Variants in AUH observed in about 807,000 individuals in gnomAD.
The protein encoded by AUH is AU RNA binding methylglutaconyl-CoA hydratase.
AUH carries 29 observed loss-of-function variants against 42.3 expected under a neutral mutation model. The observed-to-expected ratio is 0.69, with a 90% CI of 0.51 to 0.93. The LOEUF (loss-of-function observed/expected upper bound fraction) is 0.93. Among genes scored for constraint, AUH ranks in the 40% least tolerant of loss-of-function variants. The probability of loss-of-function intolerance (pLI) is 0.00; values close to 1 mark genes in which losing one functional copy is unlikely to be tolerated. For missense variants in AUH, 452 were observed against 438.1 expected (o/e 1.03, Z -0.28); for synonymous variants, 174 against 166.4 (o/e 1.05, Z -0.35).
intron 6 of AUH, among the ~76,000 whole-genome samples, chr9:91,279,369 A>C (rs1469189479): frequency 6.6e-6 from 1 of 152,194 alleles, no homozygotes; most frequent in Non-Finnish European, 1.5e-5. Flanking sequence ...TCAGTGATAG[A>C]GATGGGATTT....
intron 4 of AUH, among the ~76,000 whole-genome samples, chr9:91,324,019 T>C (rs1442410772): frequency 2.6e-5 from 4 of 152,034 alleles, no homozygotes; most frequent in Non-Finnish European, 5.9e-5. Context: ...AAAAGAATAA[T>C]AAAGAGAACC....
chr9:91,218,707 C>T (rs1009914074), intron 7 of AUH: 2 of 984,480 alleles, frequency 2.0e-6, no homozygotes, highest in African/African-American at 3.5e-5. Context: ...GCCTTTTCTT[C>T]TTTACAAGCC....
At chr9:91,315,596 G>A (rs1829095923) in intron 4 of AUH, among the ~76,000 whole-genome samples, 1 of 151,856 alleles carries the variant, frequency 6.6e-6, no homozygotes, top group African/African-American at 2.4e-5. Context: ...TTCTTCAGTT[G>A]ACAGTAAGAA....
In AUH at chr9:91,220,769, AAATGAGAAAAAATAAACTCATTT is replaced by A. The variant is rs1827084602; in HGVS notation, c.843+13_843+35del. On this transcript the variant is annotated intron_variant, in intron 7 of 9. Transcript: ENST00000375731. ...AGTCAAAGTGTTATAATGTTTCCTA[AAATGAGAAAAAATAAACTCATTT>A]AATGAGAAATACCTGAGGTAAAAAC... 1 of 1,610,196 alleles carries A rather than the reference AAATGAGAAAAAATAAACTCATTT, an allele frequency of 6.2e-7. No homozygotes were observed. The highest frequency in any genetic ancestry group is 1.3e-5 in the African/African-American group (1 of 74,898).
intron 3 of AUH, among the ~76,000 whole-genome samples, chr9:91,338,671 TC>T (rs2131959925): frequency 6.6e-6 from 1 of 152,370 alleles, no homozygotes; most frequent in East Asian, 1.9e-4. Context: ...CCTCAGGTGA[TC>T]CACCCACCTG....
intron 3 of AUH, among the ~76,000 whole-genome samples, chr9:91,333,124 C>T (rs1300312900): frequency 6.6e-6 from 1 of 152,180 alleles, no homozygotes; most frequent in African/African-American, 2.4e-5. Flanking sequence ...AAGAGATGTC[C>T]GACCTCCCAT....
intron 6 of AUH, among the ~76,000 whole-genome samples, chr9:91,289,089 T>C (rs1826652482): frequency 6.6e-6 from 1 of 152,200 alleles, no homozygotes; most frequent in Admixed American, 6.5e-5. Flanking sequence ...ATTAATTCTC[T>C]TGTCTTTATC....
chr9:91,347,698 G>C (rs562561606), intron 3 of AUH, among the ~76,000 whole-genome samples: 1 of 152,094 alleles, frequency 6.6e-6, no homozygotes, highest in East Asian at 1.9e-4. Context: ...AATTAACTCA[G>C]AATACTTCAG....
chr9:91,301,530 C>A (rs981702586), intron 4 of AUH, among the ~76,000 whole-genome samples: 3 of 152,118 alleles, frequency 2.0e-5, no homozygotes, highest in African/African-American at 7.2e-5. Flanking sequence ...CATGGTGAGA[C>A]CTCGTCTTGA....
chr9:91,356,593 C>A (rs1832434372), intron 1 of AUH, among the ~76,000 whole-genome samples: 1 of 152,132 alleles, frequency 6.6e-6, no homozygotes, highest in Non-Finnish European at 1.5e-5. Flanking sequence ...GTCTGATATA[C>A]TTAACCTGAG....
intron 6 of AUH, among the ~76,000 whole-genome samples, chr9:91,252,948 T>C (rs1829216908): frequency 6.6e-6 from 1 of 152,266 alleles, no homozygotes; most frequent in African/African-American, 2.4e-5. Flanking sequence ...GTGATTTTTT[T>C]GGTTGTCTTT....
intron 6 of AUH, among the ~76,000 whole-genome samples, chr9:91,253,232 T>G (rs995091584): frequency 6.6e-6 from 1 of 152,206 alleles, no homozygotes; most frequent in Admixed American, 6.5e-5. Flanking sequence ...TTCTAATGTT[T>G]AATAGATGCA....
At chr9:91,272,905 C>T (rs1018301208) in intron 6 of AUH, among the ~76,000 whole-genome samples, 1 of 152,082 alleles carries the variant, frequency 6.6e-6, no homozygotes, top group Non-Finnish European at 1.5e-5. Flanking sequence ...AATAGGAGAG[C>T]AAAATACTGA....
intron 5 of AUH, among the ~76,000 whole-genome samples, chr9:91,296,345 T>C (rs1236853575): frequency 6.6e-6 from 1 of 152,162 alleles, no homozygotes; most frequent in Admixed American, 6.5e-5. Context: ...TGTAACTCCA[T>C]TATTAGACCC....
At chr9:91,318,123 A>T (rs1042612666) in intron 4 of AUH, among the ~76,000 whole-genome samples, 1 of 152,152 alleles carries the variant, frequency 6.6e-6, no homozygotes, top group South Asian at 2.1e-4. Context: ...TCACTTTACT[A>T]TCCTGTGGAA....
chr9:91,332,355 A>T (rs1292179212), intron 3 of AUH, among the ~76,000 whole-genome samples: 1 of 152,188 alleles, frequency 6.6e-6, no homozygotes, highest in Non-Finnish European at 1.5e-5. Context: ...CACAAAAATT[A>T]GCCAGGAGTG....
At chr9:91,259,305 CT>C (rs1369194481) in intron 6 of AUH, among the ~76,000 whole-genome samples, 1 of 151,920 alleles carries the variant, frequency 6.6e-6, no homozygotes, top group Non-Finnish European at 1.5e-5. Context: ...TCTCTTTCTA[CT>C]GTTTAAATGT....
At chr9:91,224,181 G>C (rs1231974001) in intron 6 of AUH, among the ~76,000 whole-genome samples, 1 of 152,090 alleles carries the variant, frequency 6.6e-6, no homozygotes, top group Non-Finnish European at 1.5e-5. Context: ...CTGGTGTTTT[G>C]GTAGCAATTT....
intron 3 of AUH, among the ~76,000 whole-genome samples, chr9:91,335,773 T>C (rs1830645515): frequency 6.6e-6 from 1 of 152,238 alleles, no homozygotes; most frequent in African/African-American, 2.4e-5. Context: ...ATTTAGAAGT[T>C]ATCTTAAATT....
Sources: gnomAD v4.1 joint callset for allele counts (sites outside exome capture counted in the v4.1 genomes callset) on GRCh38, gnomAD v4.1.1 for gene constraint, MANE v1.5 for transcripts, NCBI Gene and HGNC (gene_info 2026-07-23, HGNC 2026-07-21) for gene names.